The following GNA14 variants were observed in gnomAD, a reference collection of about 807,000 sequenced individuals.
GNA14 encodes the protein guanine nucleotide-binding protein subunit alpha-14.
Under a neutral mutation model 42.0 loss-of-function variants are expected in GNA14, and 50 were observed. The observed-to-expected ratio is 1.19, with a 90% confidence interval of 0.95 to 1.51. The LOEUF (loss-of-function observed/expected upper bound fraction) is 1.51, where lower values mean the gene tolerates loss of function less well. Among genes scored for constraint, GNA14 ranks in the 40% most tolerant of loss-of-function variants. GNA14 has a pLI of 0.00. For synonymous variants in GNA14, 173 were observed against 163.1 expected (o/e 1.06, Z -0.46); for missense variants, 473 against 446.2 (o/e 1.06, Z -0.54).
At chr9:77,608,083 G>A (rs746258993) in intron 1 of GNA14, among the ~76,000 whole-genome samples, 2 of 152,152 alleles carry the variant, frequency 1.3e-5, no homozygotes, top group Non-Finnish European at 2.9e-5. Flanking sequence ...GGGGCAAGAC[G>A]GCCCCAGAGC....
At chr9:77,594,841 A>G (rs916993507) in intron 1 of GNA14, among the ~76,000 whole-genome samples, 2 of 152,232 alleles carry the variant, frequency 1.3e-5, no homozygotes, top group African/African-American at 4.8e-5. Flanking sequence ...AGAGCAGCCC[A>G]CATTGAATAA....
intron 1 of GNA14, among the ~76,000 whole-genome samples, chr9:77,555,143 G>A (rs1822755414): frequency 6.6e-6 from 1 of 152,156 alleles, no homozygotes; most frequent in Non-Finnish European, 1.5e-5. Context: ...ATAAGAGAAT[G>A]ATTATCAGCA....
intron 1 of GNA14, among the ~76,000 whole-genome samples, chr9:77,629,732 G>T (rs1824066089): frequency 1.3e-5 from 2 of 152,140 alleles, no homozygotes; most frequent in African/African-American, 4.8e-5. Context: ...TCTGTCAGGG[G>T]GTAGGGAGCT....
At chr9:77,555,280 TGGATCA>T (rs776443994) in intron 1 of GNA14, among the ~76,000 whole-genome samples, 1 of 151,772 alleles carries the variant, frequency 6.6e-6, no homozygotes, top group Non-Finnish European at 1.5e-5. Context: ...CTGAGGCGGG[TGGATCA>T]TTTGAGCTCA....
chr9:77,521,542 C>A (rs1442370535), intron 2 of GNA14, among the ~76,000 whole-genome samples: 1 of 152,132 alleles, frequency 6.6e-6, no homozygotes, highest in Non-Finnish European at 1.5e-5. Context: ...AAGAAATTCT[C>A]CTGGAAATTC....
At chr9:77,583,778 C>A (rs1361989159) in intron 1 of GNA14, among the ~76,000 whole-genome samples, 2 of 152,144 alleles carry the variant, frequency 1.3e-5, no homozygotes, top group Admixed American at 6.6e-5. Flanking sequence ...CAGAGTCTGA[C>A]TCAGTACATC....
chr9:77,586,848 T>C (rs1035096415), intron 1 of GNA14, among the ~76,000 whole-genome samples: 1 of 152,194 alleles, frequency 6.6e-6, no homozygotes, highest in Non-Finnish European at 1.5e-5. Context: ...AAAAGGAAGA[T>C]GGAACCTCCA....
intron 1 of GNA14, among the ~76,000 whole-genome samples, chr9:77,546,915 C>T (rs1452547336): frequency 6.6e-6 from 1 of 152,174 alleles, no homozygotes; most frequent in Non-Finnish European, 1.5e-5. Flanking sequence ...TTTATAACCA[C>T]TGTCCTGAGG....
chr9:77,567,188 T>C (rs556171626), intron 1 of GNA14, among the ~76,000 whole-genome samples: 2 of 152,364 alleles, frequency 1.3e-5, no homozygotes, highest in South Asian at 4.1e-4. Context: ...ATTGCTCCCA[T>C]ATATTTACAT....
chr9:77,454,557 G>A (rs1355729962), intron 2 of GNA14, among the ~76,000 whole-genome samples: 4 of 148,278 alleles, frequency 2.7e-5, no homozygotes, highest in African/African-American at 1.0e-4. Flanking sequence ...CTTTTATTTT[G>A]GTGGCAACTG....
At chr9:77,555,359 T>A (rs1822758338) in intron 1 of GNA14, among the ~76,000 whole-genome samples, 1 of 151,956 alleles carries the variant, frequency 6.6e-6, no homozygotes, top group Admixed American at 6.6e-5. Flanking sequence ...TACAAAAAAT[T>A]AGCTGGGCGT....
intron 1 of GNA14, among the ~76,000 whole-genome samples, chr9:77,569,192 C>A (rs1471379703): frequency 6.6e-6 from 1 of 151,760 alleles, no homozygotes; most frequent in Non-Finnish European, 1.5e-5. Context: ...AAAAGGTTCC[C>A]TCCCCGCAGA....
At chr9:77,614,905 C>T (rs1823786594) in intron 1 of GNA14, among the ~76,000 whole-genome samples, 1 of 152,222 alleles carries the variant, frequency 6.6e-6, no homozygotes, top group African/African-American at 2.4e-5. Flanking sequence ...ATTGCAAATA[C>T]TCCCACAGTC....
chr9:77,489,333 T>C (rs1836715921), intron 2 of GNA14, among the ~76,000 whole-genome samples: 1 of 152,100 alleles, frequency 6.6e-6, no homozygotes, highest in African/African-American at 2.4e-5. Context: ...GAGGAAGTTG[T>C]GCAAGAGGAA....
chr9:77,505,507 T>G (rs566413363), intron 2 of GNA14, among the ~76,000 whole-genome samples: 25 of 152,346 alleles, frequency 1.6e-4, no homozygotes. Context: ...CATGGCAGGA[T>G]GAGTCGTAAT....
At chr9:77,443,908 G>T (rs1835775074) in intron 2 of GNA14, among the ~76,000 whole-genome samples, 1 of 152,306 alleles carries the variant, frequency 6.6e-6, no homozygotes, top group Non-Finnish European at 1.5e-5. Context: ...TTTGAACCCA[G>T]GTGTTGGAGG....
At chr9:77,488,187 T>C (rs963628024) in intron 2 of GNA14, among the ~76,000 whole-genome samples, 1 of 152,060 alleles carries the variant, frequency 6.6e-6, no homozygotes, top group African/African-American at 2.4e-5. Context: ...CACAGAGAAA[T>C]TTAAAAAACT....
intron 1 of GNA14, among the ~76,000 whole-genome samples, chr9:77,577,879 G>C (rs913709741): frequency 6.6e-6 from 1 of 152,042 alleles, no homozygotes; most frequent in African/African-American, 2.4e-5. Flanking sequence ...CCATTTAAGA[G>C]TTAGTATTAC....
intron 1 of GNA14, among the ~76,000 whole-genome samples, chr9:77,579,761 C>T (rs932760590): frequency 6.6e-6 from 1 of 152,118 alleles, no homozygotes; most frequent in Non-Finnish European, 1.5e-5. Flanking sequence ...AATGGCAAGT[C>T]CTAATTTGTT....
Sources: gnomAD v4.1 joint callset for allele counts (sites outside exome capture counted in the v4.1 genomes callset) on GRCh38, gnomAD v4.1.1 for gene constraint, MANE v1.5 for transcripts, NCBI Gene and HGNC (gene_info 2026-07-23, HGNC 2026-07-21) for gene names.